Variants in RDH12 observed in about 807,000 individuals in gnomAD.
RDH12 encodes the protein all-trans and 9-cis retinol dehydrogenase.
Under a neutral mutation model 34.0 loss-of-function variants are expected in RDH12, and 21 were observed. The observed-to-expected ratio is 0.62, with a 90% CI of 0.44 to 0.89. The LOEUF (loss-of-function observed/expected upper bound fraction) is 0.89. Among genes scored for constraint, RDH12 ranks in the 40% least tolerant of loss-of-function variants. The probability of loss-of-function intolerance (pLI) is 0.00; values close to 1 mark genes in which losing one functional copy is unlikely to be tolerated. For missense variants in RDH12, 394 were observed against 398.6 expected (o/e 0.99, Z 0.10); for synonymous variants, 198 against 169.9 (o/e 1.17, Z -1.29).
At chr14:67,730,302 CCACTAGCCA>C (rs1855134669) in intron 8 of RDH12, among the ~76,000 whole-genome samples, 1 of 152,174 alleles carries the variant, frequency 6.6e-6, no homozygotes, top group South Asian at 2.1e-4. Flanking sequence ...AGTATGGTAG[CCACTAGCCA>C]CATGTTGCTA....
intron 2 of RDH12, 52 bp from the exon 3 acceptor site, chr14:67,722,372 G>A (rs901051100): frequency 5.4e-6 from 3 of 553,392 alleles, no homozygotes; most frequent in Non-Finnish European, 9.7e-6. Flanking sequence ...CATTCTCTTT[G>A]CCAGTAAACC....
chr14:67,703,068 C>T (rs1566836432), intron 1 of RDH12, among the ~76,000 whole-genome samples: 1 of 152,174 alleles, frequency 6.6e-6, no homozygotes, highest in Non-Finnish European at 1.5e-5. Context: ...GATCCTCCTA[C>T]CTTGGCCTCC....
chr14:67,726,146 A>G lies in RDH12; in HGVS notation c.439A>G (p.Asn147Asp). ...ADGFETHLGVNHLGHFLLTYL... is the reference protein window; with the variant it reads ...ADGFETHLGVDHLGHFLLTYL... ...TGGCTTTGAAACCCACCTGGGAGTC[A>G]ACCACCTGGGTAAGTATCTTTGGGT... The change falls in exon 6 of 9, where the codon AAC becomes GAC. Residue 147 changes from asparagine (N) to aspartate (D), a missense_variant. Asn to Asp is a conservative substitution (Grantham distance 23, BLOSUM62 1). Coordinates refer to ENST00000551171, the MANE Select transcript of RDH12 (RefSeq NM_152443.3). 6.2e-7 allele frequency: 1 copy of G among 1,603,942 alleles called. No homozygotes were observed. Among genetic ancestry groups the G allele is most frequent in the African/African-American group, 1.3e-5 (1 of 74,822 alleles).
At chr14:67,704,315 T>G (rs2037930265) in intron 1 of RDH12, among the ~76,000 whole-genome samples, 1 of 152,216 alleles carries the variant, frequency 6.6e-6, no homozygotes, top group African/African-American at 2.4e-5. Flanking sequence ...TCAAATCGTT[T>G]CACATATCTT....
At chr14:67,725,452 G>A (rs1016152380) in intron 5 of RDH12, among the ~76,000 whole-genome samples, 198 bp downstream of exon 5, 5 of 152,160 alleles carry the variant, frequency 3.3e-5, no homozygotes, top group East Asian at 1.9e-4. Flanking sequence ...TCATCTTTTC[G>A]CCTCAGCAAT....
chr14:67,731,913 G>A (rs1000787149), intron 8 of RDH12, among the ~76,000 whole-genome samples: 21 of 151,888 alleles, frequency 1.4e-4, no homozygotes, highest in Admixed American at 1.2e-3. Flanking sequence ...GATCACTTGA[G>A]GTCAGGAGTT....
Position 67,729,250 on chromosome 14 carries a change from C to G in RDH12, c.718C>G (p.His240Asp). 6.2e-7 allele frequency: 1 copy of G among 1,609,950 alleles called. No individual in the cohort carries two copies. The highest frequency in any genetic ancestry group is 8.5e-7 in the Non-Finnish European group (1 of 1,179,996). ...CGTCGTCCGCTCTGAGCTGGTCCGG[C>G]ACTCCTCCCTGCTCTGCCTGCTCTG... ...PGVVRSELVR[H>D]SSLLCLLWRL... Residue 240 changes from histidine (H) to aspartate (D), a missense_variant, in exon 8 of 9, where the codon CAC (histidine) becomes GAC (aspartate). Physicochemically the swap from His to Asp is moderately conservative, Grantham distance 81 (BLOSUM62 -1). Coordinates refer to ENST00000551171, the MANE Select transcript of RDH12 (RefSeq NM_152443.3).
At chr14:67,729,667 G>A (rs1175711821) in intron 8 of RDH12, 3 of 592,714 alleles carry the variant, frequency 5.1e-6, no homozygotes, top group East Asian at 3.5e-5. Context: ...TGTTGGTTAT[G>A]CCATGGAGAT....
intron 3 of RDH12, among the ~76,000 whole-genome samples, chr14:67,723,011 G>A (rs1243872348): frequency 6.6e-6 from 1 of 152,176 alleles, no homozygotes; most frequent in African/African-American, 2.4e-5. Context: ...TTAGGTGGGA[G>A]TCCTTGCGTT....
chr14:67,715,035 C>T (rs2038052654), intron 1 of RDH12: 1 of 152,240 alleles, frequency 6.6e-6, no homozygotes, highest in South Asian at 2.1e-4. Flanking sequence ...AGTCTAAGGG[C>T]CAAGATAACT....
intron 1 of RDH12, among the ~76,000 whole-genome samples, chr14:67,708,806 TTTTTTG>T: frequency 6.6e-6 from 1 of 151,604 alleles, no homozygotes; most frequent in Middle Eastern, 3.4e-3. Context: ...TTTTTTTTTT[TTTTTTG>T]AGAGGGAGTC....
At chr14:67,712,424 G>A (rs1473164384) in intron 1 of RDH12, among the ~76,000 whole-genome samples, 1 of 142,316 alleles carries the variant, frequency 7.0e-6, no homozygotes, top group Admixed American at 7.7e-5. Flanking sequence ...AAAAATCCCA[G>A]AGTGGCCTCT....
chr14:67,720,095 C>T (rs1241466009), intron 1 of RDH12, among the ~76,000 whole-genome samples: 1 of 152,214 alleles, frequency 6.6e-6, no homozygotes, highest in African/African-American at 2.4e-5. Flanking sequence ...GTGGATCATA[C>T]TACAATCTTT....
At position 67,712,110 on chromosome 14, in the gene RDH12, C is replaced by T. The variant is rs992462721; in HGVS notation, c.-274-8738C>T. 5.9e-5 allele frequency among the ~76,000 whole-genome samples: 9 copies of T among 151,984 alleles called. No homozygotes were observed. The East Asian group carries it at 7.7e-4, about 13-fold the overall frequency. ...AATTTTTGTATTTTTAGTAGAGACA[C>T]GGTTTCACCATGTTGGCCAGGCTGG... On this transcript the variant is annotated intron_variant, in intron 1 of 8. Coordinates refer to ENST00000551171, the MANE Select transcript of RDH12 (RefSeq NM_152443.3).
Position 67,729,206 on chromosome 14 carries a change from C to T in RDH12, c.674C>T (p.Thr225Ile). 6.2e-7 allele frequency: 1 copy of T among 1,612,768 alleles called. No individual in the cohort carries two copies. Among genetic ancestry groups the T allele is most frequent in the Non-Finnish European group, 8.5e-7 (1 of 1,180,018 alleles). Residue 225 changes from threonine (T) to isoleucine (I), a missense_variant, in exon 8 of 9, where the codon ACC becomes ATC. Coordinates refer to ENST00000551171, the MANE Select transcript of RDH12 (RefSeq NM_152443.3). ...AKRLQGTGVTTYAVHPGVVRS... is the reference protein window; with the variant it reads ...AKRLQGTGVTIYAVHPGVVRS... ...TTTGTCCCAGGCACCGGGGTCACCA[C>T]CTACGCAGTGCACCCAGGCGTCGTC... is the stretch of plus-strand genomic sequence containing the variant.
At chr14:67,730,770 G>A (rs1325431078) in intron 8 of RDH12, among the ~76,000 whole-genome samples, 1 of 151,966 alleles carries the variant, frequency 6.6e-6, no homozygotes, top group African/African-American at 2.4e-5. Flanking sequence ...CACCTGACTA[G>A]TTTTTGTATT....
intron 1 of RDH12, among the ~76,000 whole-genome samples, chr14:67,708,363 T>G (rs1308483301): frequency 1.3e-5 from 2 of 152,122 alleles, no homozygotes; most frequent in African/African-American, 4.8e-5. Context: ...CCTGAAAGTT[T>G]TTTCCTCTAT....
At chr14:67,723,948 C>G (rs2038154488) in intron 3 of RDH12, among the ~76,000 whole-genome samples, 2 of 152,234 alleles carry the variant, frequency 1.3e-5, no homozygotes, top group South Asian at 4.1e-4. Context: ...GACCCACTCC[C>G]TAAAACTGGA....
intron 1 of RDH12, among the ~76,000 whole-genome samples, chr14:67,702,687 A>G (rs546672640): frequency 8.5e-5 from 13 of 152,370 alleles, no homozygotes; most frequent in African/African-American, 2.4e-4. Context: ...TTACTAATTT[A>G]TGAGTGCTCA....
Sources: gnomAD v4.1 joint callset for allele counts (sites outside exome capture counted in the v4.1 genomes callset) on GRCh38, gnomAD v4.1.1 for gene constraint, MANE v1.5 for transcripts, NCBI Gene and HGNC (gene_info 2026-07-23, HGNC 2026-07-21) for gene names.